Variants in NEK6 observed in about 807,000 individuals in gnomAD.
The protein encoded by NEK6 is serine/threonine-protein kinase Nek6.
In NEK6, 27 loss-of-function variants were observed where a neutral mutation model predicts 43.5. That is an observed-to-expected ratio of 0.62 (90% confidence interval 0.46 to 0.86). The LOEUF is 0.86. Ranked by LOEUF, NEK6 falls within the 40% of genes least tolerant of loss-of-function variation. NEK6 has a pLI of 0.00. For missense variants in NEK6, 318 were observed against 414.4 expected (o/e 0.77, Z 2.02); for synonymous variants, 167 against 164.1 (o/e 1.02, Z -0.14).
intron 1 of NEK6, among the ~76,000 whole-genome samples, chr9:124,272,116 G>A (rs1831463198): frequency 6.6e-6 from 1 of 152,236 alleles, no homozygotes; most frequent in Non-Finnish European, 1.5e-5. Flanking sequence ...GCCAGGCCCA[G>A]AAGAGGCCTT....
intron 1 of NEK6, among the ~76,000 whole-genome samples, chr9:124,294,203 TA>T (rs1174967208): frequency 2.0e-5 from 3 of 152,168 alleles, no homozygotes; most frequent in Non-Finnish European, 4.4e-5. Context: ...CCGTCTCTAC[TA>T]AAACTACAAA....
At chr9:124,262,070 G>A (rs1831053872) in intron 1 of NEK6, among the ~76,000 whole-genome samples, 2 of 152,006 alleles carry the variant, frequency 1.3e-5, no homozygotes, top group Non-Finnish European at 2.9e-5. Context: ...GGGGTGGTCT[G>A]CGGTGGCCCA....
chr9:124,318,733 A>C (rs760340102), intron 4 of NEK6, among the ~76,000 whole-genome samples: 1 of 152,036 alleles, frequency 6.6e-6, no homozygotes, highest in Non-Finnish European at 1.5e-5. Flanking sequence ...GTGCAGTGGC[A>C]TGATCTTGGC....
rs890742751 is a variant in NEK6, at chr9:124,351,165, T to C, written c.*218T>C. On this transcript the variant is annotated 3_prime_UTR_variant, in exon 10 of 10. Coordinates refer to ENST00000320246, the MANE Select transcript of NEK6 (RefSeq NM_014397.6). ...CTGATGGTCAGATTCCAAAGTCCTT[T>C]CTTTATACTGTTGTGGACAATCTCA... The C allele has an allele frequency of 1.6e-5, 8 of 507,668 alleles. No homozygotes were observed. Among genetic ancestry groups the C allele is most frequent in the African/African-American group, 3.9e-5 (2 of 51,608 alleles). The allele number at this position is 507,668 out of a possible 1,614,324, so 31.4% of individuals were successfully genotyped here.
intron 7 of NEK6, among the ~76,000 whole-genome samples, chr9:124,333,041 T>C (rs1829093626): frequency 6.6e-6 from 1 of 152,110 alleles, no homozygotes; most frequent in South Asian, 2.1e-4. Flanking sequence ...ACAGAGGTCG[T>C]CCTGGGCAGG....
At chr9:124,304,814 A>G (rs1417354222) in intron 2 of NEK6, among the ~76,000 whole-genome samples, 1 of 152,232 alleles carries the variant, frequency 6.6e-6, no homozygotes, top group African/African-American at 2.4e-5. Flanking sequence ...AGAACCATAT[A>G]TGAAATTCAT....
intron 7 of NEK6, among the ~76,000 whole-genome samples, chr9:124,331,030 A>G (rs935825271): frequency 2.0e-5 from 3 of 152,120 alleles, no homozygotes; most frequent in African/African-American, 7.2e-5. Context: ...TGGGAAGCCG[A>G]GGCAGTCAGA....
At chr9:124,260,641 T>C (rs780361411) in intron 1 of NEK6, among the ~76,000 whole-genome samples, 3 of 152,192 alleles carry the variant, frequency 2.0e-5, no homozygotes, top group Non-Finnish European at 2.9e-5. Flanking sequence ...CCTCAGGTGA[T>C]CCGCCCGCCT....
intron 1 of NEK6, among the ~76,000 whole-genome samples, chr9:124,278,158 A>G (rs1588448821): frequency 6.6e-6 from 1 of 152,220 alleles, no homozygotes; most frequent in Non-Finnish European, 1.5e-5. Flanking sequence ...GTACAGGACC[A>G]TGCGGTACAG....
chr9:124,346,340 C>G (rs1829922688), intron 8 of NEK6, among the ~76,000 whole-genome samples: 1 of 152,162 alleles, frequency 6.6e-6, no homozygotes, highest in Admixed American at 6.5e-5. Flanking sequence ...CAGAATGGGG[C>G]AAGACCAGGA....
Position 124,326,647 on chromosome 9 carries a change from G to T in NEK6, c.514+209G>T, listed in dbSNP as rs1834354341. 1.3e-5 allele frequency among the ~76,000 whole-genome samples: 2 copies of T among 152,186 alleles called. No homozygotes were observed. The highest frequency in any genetic ancestry group is 2.9e-5 in the Non-Finnish European group (2 of 68,022). ...GGTGGAAAGTGACATGAGCCCCAGGGGGCAGGGGCCCCGCTTGGCACACCA... is the reference window on the plus strand; with the variant it reads ...GGTGGAAAGTGACATGAGCCCCAGGTGGCAGGGGCCCCGCTTGGCACACCA... On this transcript the variant is annotated intron_variant, in intron 6 of 9. Transcript: ENST00000320246. The surrounding 1 kb of genome is among the most constrained non-coding windows in gnomAD (Gnocchi z 4.5).
At chr9:124,339,537 A>T in intron 7 of NEK6, 34 bp from the exon 8 acceptor site, 1 of 1,505,568 alleles carries the variant, frequency 6.6e-7, no homozygotes, top group Non-Finnish European at 9.2e-7. Context: ...CCCTACATGG[A>T]GCATAAGCAG....
intron 4 of NEK6, among the ~76,000 whole-genome samples, chr9:124,319,131 C>T (rs1161160407): frequency 1.3e-5 from 2 of 151,976 alleles, no homozygotes; most frequent in African/African-American, 4.8e-5. Context: ...ACTACAGGCA[C>T]CTGCCACCAT....
intron 1 of NEK6, among the ~76,000 whole-genome samples, chr9:124,276,879 C>G (rs530963202): frequency 6.6e-6 from 1 of 152,162 alleles, no homozygotes; most frequent in Non-Finnish European, 1.5e-5. Flanking sequence ...GTGGAGCTGA[C>G]GTGGTGGAGG....
At chr9:124,309,697 A>G (rs1296563988) in intron 2 of NEK6, among the ~76,000 whole-genome samples, 3 of 152,268 alleles carry the variant, frequency 2.0e-5, no homozygotes, top group African/African-American at 7.2e-5. Context: ...TCTAACGTAC[A>G]ACACCTCATG....
intron 1 of NEK6, chr9:124,262,819 AGT>A (rs1405184576): frequency 6.6e-6 from 1 of 152,194 alleles, no homozygotes; most frequent in Non-Finnish European, 1.5e-5. Flanking sequence ...AATTCCATAG[AGT>A]GTGAAGGAAT....
intron 7 of NEK6, among the ~76,000 whole-genome samples, chr9:124,337,531 C>T (rs1216630061): frequency 6.6e-6 from 1 of 152,196 alleles, no homozygotes; most frequent in Admixed American, 6.5e-5. Flanking sequence ...TGTTTTGTGC[C>T]TGGTTTCTTT....
At chr9:124,294,879 T>C (rs1045572388) in intron 1 of NEK6, among the ~76,000 whole-genome samples, 1 of 152,102 alleles carries the variant, frequency 6.6e-6, no homozygotes, top group Non-Finnish European at 1.5e-5. Context: ...AAGGTAACTG[T>C]AGGGACCCAA....
chr9:124,344,261 A>G (rs1537052), intron 8 of NEK6, among the ~76,000 whole-genome samples: 149,655 of 152,268 alleles, frequency 0.98, 73,590 homozygotes, highest in East Asian at 1. Flanking sequence ...GCAAAATCCC[A>G]TTTGCCCTAT....
Sources: gnomAD v4.1 joint callset for allele counts (sites outside exome capture counted in the v4.1 genomes callset) on GRCh38, gnomAD v4.1.1 for gene constraint, Gnocchi (gnomAD v3.1) non-coding constraint, MANE v1.5 for transcripts, NCBI Gene and HGNC (gene_info 2026-07-23, HGNC 2026-07-21) for gene names.